Variants in MALRD1 observed in about 807,000 individuals in gnomAD.
MALRD1 encodes MAM and LDL receptor class A domain containing 1.
Under a neutral mutation model 242.1 loss-of-function variants are expected in MALRD1, and 247 were observed. The observed-to-expected ratio is 1.02, with a 90% CI of 0.92 to 1.13. The LOEUF (loss-of-function observed/expected upper bound fraction) is 1.13, where lower values mean the gene tolerates loss of function less well. Among genes scored for constraint, MALRD1 ranks in the 50% most tolerant of loss-of-function variants. The pLI is 0.00. For missense variants in MALRD1, 2,989 were observed against 2,533.1 expected, an observed-to-expected ratio of 1.18 and a Z score of -3.86; for synonymous variants, 995 against 866.6, an observed-to-expected ratio of 1.15 and a Z score of -2.60.
intron 35 of MALRD1, among the ~76,000 whole-genome samples, chr10:19,609,604 C>A (rs1024492358): frequency 5.3e-5 from 8 of 152,014 alleles, no homozygotes; most frequent in Admixed American, 2.0e-4. Flanking sequence ...AGGTTTAAGT[C>A]ATAAACAAGA....
At chr10:19,503,573 T>G (rs1262676166) in intron 31 of MALRD1, among the ~76,000 whole-genome samples, 1 of 152,232 alleles carries the variant, frequency 6.6e-6, no homozygotes, top group East Asian at 1.9e-4. Flanking sequence ...GTGACATTTA[T>G]GTAGCTTGAA....
Position 19,595,227 on chromosome 10 carries a change from C to T in MALRD1, c.5714C>T (p.Ala1905Val). ...PVPVQPSPCE[A>V]DQFSCIYTLQ... ...CCAGTGCAGCCATCACCCTGTGAAG[C>T]TGATCAGTTTTCTTGTATCTACACA... The change falls in exon 34 of 40, where the codon GCT becomes GTT. Residue 1905 changes from alanine to valine, a missense_variant. Ala to Val is a moderately conservative substitution (Grantham distance 64). Transcript: ENST00000454679. 1 of 1,550,264 alleles carries T rather than the reference C, an allele frequency of 6.5e-7. No individual in the cohort carries two copies. Among genetic ancestry groups the T allele is most frequent in the Non-Finnish European group, 8.7e-7 (1 of 1,146,812 alleles).
intron 19 of MALRD1, among the ~76,000 whole-genome samples, chr10:19,269,084 A>T (rs1166646102): frequency 6.6e-6 from 1 of 152,222 alleles, no homozygotes; most frequent in African/African-American, 2.4e-5. Context: ...CTTTGTTTAA[A>T]GAGACTTAAA....
At chr10:19,049,231 C>T (rs1257395620) in intron 1 of MALRD1, 94 bp downstream of exon 1, 7 of 968,018 alleles carry the variant, frequency 7.2e-6, no homozygotes, top group Non-Finnish European at 8.0e-6. Context: ...AGATACTTGG[C>T]TCTGTATGCA....
At chr10:19,517,972 C>G (rs1833712775) in intron 31 of MALRD1, among the ~76,000 whole-genome samples, 1 of 152,192 alleles carries the variant, frequency 6.6e-6, no homozygotes, top group African/African-American at 2.4e-5. Flanking sequence ...AATCAGGTAG[C>G]ACTCAGAACC....
intron 4 of MALRD1, among the ~76,000 whole-genome samples, chr10:19,102,012 TATA>T (rs1180430144): frequency 1.4e-5 from 2 of 140,016 alleles, no homozygotes; most frequent in South Asian, 2.2e-4. Context: ...ATATCTATAT[TATA>T]ATGTTTTAAT....
chr10:19,672,240 C>T (rs1056979706), intron 36 of MALRD1, among the ~76,000 whole-genome samples: 155 of 151,954 alleles, frequency 1.0e-3, no homozygotes, highest in African/African-American at 3.7e-3. Flanking sequence ...AACAAAGATA[C>T]ATAAACAGTG....
At chr10:19,651,016 A>G (rs16919229) in intron 36 of MALRD1, among the ~76,000 whole-genome samples, 16,612 of 152,170 alleles carry the variant, frequency 0.11, 2,317 homozygotes, top group African/African-American at 0.32. Flanking sequence ...TATCTCTAGA[A>G]TCCCTTGTCC....
intron 1 of MALRD1, among the ~76,000 whole-genome samples, chr10:19,050,151 G>A (rs1834445076): frequency 6.9e-6 from 1 of 144,194 alleles, no homozygotes; most frequent in Non-Finnish European, 1.5e-5. Flanking sequence ...GCAGTGGCGG[G>A]ATCTCGGCTC....
At chr10:19,649,061 G>A (rs1181611150) in intron 36 of MALRD1, among the ~76,000 whole-genome samples, 4 of 152,168 alleles carry the variant, frequency 2.6e-5, no homozygotes, top group Non-Finnish European at 5.9e-5. Context: ...TCCCACAAAA[G>A]ATATGATCTT....
At chr10:19,499,288 T>C (rs185775285) in intron 31 of MALRD1, among the ~76,000 whole-genome samples, 35 of 152,254 alleles carry the variant, frequency 2.3e-4, no homozygotes, top group African/African-American at 7.2e-4. Flanking sequence ...CTAGCTTTTA[T>C]TAGGGATAAA....
intron 28 of MALRD1, 53 bp downstream of exon 28, chr10:19,389,662 C>T: frequency 6.6e-7 from 1 of 1,511,486 alleles, no homozygotes; most frequent in Non-Finnish European, 8.9e-7. Context: ...GTTTTAGAGA[C>T]AGGGTCTTGC....
At chr10:19,538,490 A>G (rs999232565) in intron 32 of MALRD1, among the ~76,000 whole-genome samples, 1 of 152,152 alleles carries the variant, frequency 6.6e-6, no homozygotes, top group African/African-American at 2.4e-5. Context: ...GATGGTGGTC[A>G]CTTTTTGATC....
intron 36 of MALRD1, among the ~76,000 whole-genome samples, chr10:19,646,129 G>C (rs1207095624): frequency 6.6e-6 from 1 of 151,888 alleles, no homozygotes; most frequent in Non-Finnish European, 1.5e-5. Context: ...TTCTTCTTTT[G>C]TTTATTTTCT....
At chr10:19,412,626 A>G (rs566061486) in intron 28 of MALRD1, among the ~76,000 whole-genome samples, 2 of 152,352 alleles carry the variant, frequency 1.3e-5, no homozygotes, top group South Asian at 2.1e-4. Context: ...CTGTAGCCCT[A>G]TAGTGAAGAA....
At chr10:19,225,143 A>G (rs1837738597) in intron 18 of MALRD1, among the ~76,000 whole-genome samples, 1 of 152,126 alleles carries the variant, frequency 6.6e-6, no homozygotes, top group Admixed American at 6.6e-5. Flanking sequence ...GATATGTTGT[A>G]TATTTTATGG....
At chr10:19,313,320 A>T (rs907478296) in intron 21 of MALRD1, among the ~76,000 whole-genome samples, 1 of 151,160 alleles carries the variant, frequency 6.6e-6, no homozygotes. Flanking sequence ...TTAAATGAAT[A>T]TTGAAAATAT....
At position 19,146,089 on chromosome 10, in the gene MALRD1, C is replaced by G. The variant is rs79037718; in HGVS notation, c.1412-109C>G. ...CCGATCATTAGAGAATATTCACTAC[C>G]AAGCAGAATAATTTTGCAGGCCTCC... is the stretch of plus-strand genomic sequence containing the variant. On this transcript the variant is annotated intron_variant, in intron 10 of 39. Transcript: ENST00000454679. 3,484 of 772,710 alleles carry G rather than the reference C, an allele frequency of 4.5e-3. 95 individuals are homozygous for G. The African/African-American group carries it at 0.056, about 12-fold the overall frequency. The allele number at this position is 772,710 out of a possible 1,614,324, so 47.9% of individuals were successfully genotyped here.
intron 26 of MALRD1, among the ~76,000 whole-genome samples, chr10:19,360,966 C>T (rs546750292): frequency 7.2e-5 from 11 of 151,810 alleles, no homozygotes; most frequent in South Asian, 4.2e-4. Context: ...CATTATTACA[C>T]GAATTAACTA....
Sources: gnomAD v4.1 joint callset for allele counts (sites outside exome capture counted in the v4.1 genomes callset) on GRCh38, gnomAD v4.1.1 for gene constraint, MANE v1.5 for transcripts, NCBI Gene and HGNC (gene_info 2026-07-23, HGNC 2026-07-21) for gene names.